Variants in TWIST2 observed in about 807,000 individuals in gnomAD.
The protein encoded by TWIST2 is twist-related protein 2.
A neutral mutation model predicts 11.6 loss-of-function variants in TWIST2; 1 was observed. The ratio of observed to expected loss-of-function variants is 0.09; its 90% CI spans 0.03 to 0.41. TWIST2 has a LOEUF of 0.41. Ranked by LOEUF, TWIST2 falls within the 10% of genes least tolerant of loss-of-function variation. TWIST2 has a pLI of 0.98. For missense variants in TWIST2, 168 were observed against 226.4 expected (o/e 0.74, Z 1.66); for synonymous variants, 87 against 96.6 (o/e 0.90, Z 0.58).
At position 238,903,499 on chromosome 2, in the gene TWIST2, ATG is replaced by A. The variant is rs1272836540; in HGVS notation, c.*36-6332_*36-6331del. On this transcript the variant is annotated intron_variant, in intron 1 of 1. Transcript: ENST00000612363. ...GTGTGCATGATGTGAGGTGTGTGTG[ATG>A]TGTGTGTGTGATGTGGGGTGTGTCT... Among the ~76,000 whole-genome samples the A allele has an allele frequency of 2.0e-3, 158 of 80,786 alleles. 1 individual carries two copies. Among genetic ancestry groups the A allele is most frequent in the Admixed American group, 2.9e-3 (21 of 7,242 alleles). 53.0% of individuals were successfully genotyped at this position (80,786 alleles called of 152,430 possible). A position where few individuals can be genotyped will look rare whatever the true frequency, so the allele number is the denominator to read the frequency against.
chr2:238,858,774 C>T (rs543827424), intron 1 of TWIST2, among the ~76,000 whole-genome samples: 1 of 152,326 alleles, frequency 6.6e-6, no homozygotes, highest in East Asian at 1.9e-4. Context: ...ACACTGAAAA[C>T]AGTTTTGTTC....
At chr2:238,905,380 G>A (rs1423696247) in intron 1 of TWIST2, among the ~76,000 whole-genome samples, 5 of 152,134 alleles carry the variant, frequency 3.3e-5, no homozygotes, top group African/African-American at 1.2e-4. Flanking sequence ...TGCAGGAGGC[G>A]CTCCCCAGCC....
chr2:238,852,485 CT>C (rs1692259537), intron 1 of TWIST2, among the ~76,000 whole-genome samples: 1 of 152,184 alleles, frequency 6.6e-6, no homozygotes, highest in Non-Finnish European at 1.5e-5. Flanking sequence ...GAATAAGTTA[CT>C]GTAGCCAAGG....
chr2:238,907,256 A>G (rs1210446588), intron 1 of TWIST2, among the ~76,000 whole-genome samples: 1 of 152,136 alleles, frequency 6.6e-6, no homozygotes, highest in Non-Finnish European at 1.5e-5. Flanking sequence ...GTGGCCCAAG[A>G]CCTTGGGCTT....
chr2:238,884,871 A>G (rs1693003533), intron 1 of TWIST2, among the ~76,000 whole-genome samples: 1 of 152,148 alleles, frequency 6.6e-6, no homozygotes, highest in African/African-American at 2.4e-5. Context: ...TGAGCTGCGC[A>G]CACCCAGTTG....
intron 1 of TWIST2, among the ~76,000 whole-genome samples, chr2:238,859,127 G>A (rs1361432384): frequency 6.6e-6 from 1 of 150,946 alleles, no homozygotes; most frequent in Non-Finnish European, 1.5e-5. Context: ...CAGGAGAATC[G>A]CTTGAACCTG....
Position 238,858,988 on chromosome 2 carries a change from G to A in TWIST2, c.*35+10255G>A, listed in dbSNP as rs375326303. On this transcript the variant is annotated intron_variant, in intron 1 of 1. Coordinates refer to ENST00000612363, the MANE Select transcript of TWIST2 (RefSeq NM_001271893.4). ...GCACTTTGGGAGGCTGAGGCGGGTG[G>A]ATCACCTGAGGTCAGGAGTTCAAGA... Among the ~76,000 whole-genome samples, 32 of 152,220 alleles carry A rather than the reference G, an allele frequency of 2.1e-4. 1 individual carries two copies. Among genetic ancestry groups the A allele is most frequent in the African/African-American group, 6.5e-4 (27 of 41,526 alleles).
chr2:238,861,494 C>A (rs547916572), intron 1 of TWIST2, among the ~76,000 whole-genome samples: 1 of 152,272 alleles, frequency 6.6e-6, no homozygotes, highest in East Asian at 1.9e-4. Context: ...TTCAGAGACA[C>A]CATCTGGATG....
At chr2:238,906,638 A>G (rs1693360035) in intron 1 of TWIST2, among the ~76,000 whole-genome samples, 1 of 151,996 alleles carries the variant, frequency 6.6e-6, no homozygotes, top group Non-Finnish European at 1.5e-5. Context: ...TCACTCTCAC[A>G]CTAGTGGGCA....
intron 1 of TWIST2, among the ~76,000 whole-genome samples, chr2:238,856,162 G>T (rs959844437): frequency 3.9e-5 from 6 of 152,180 alleles, no homozygotes; most frequent in African/African-American, 1.4e-4. Flanking sequence ...GTCCCGTCTT[G>T]TGTGACTGCG....
intron 1 of TWIST2, among the ~76,000 whole-genome samples, chr2:238,857,951 A>G (rs1692360655): frequency 6.6e-6 from 1 of 152,000 alleles, no homozygotes; most frequent in Admixed American, 6.6e-5. Flanking sequence ...CAAACAAACA[A>G]ACAACAAGCA....
intron 1 of TWIST2, 62 bp from the exon 2 acceptor site, chr2:238,909,780 C>G (rs1693422283): frequency 6.6e-6 from 1 of 152,264 alleles, no homozygotes; most frequent in African/African-American, 2.4e-5. Flanking sequence ...AGTCTCAGGA[C>G]GATCCTGCAG....
intron 1 of TWIST2, among the ~76,000 whole-genome samples, chr2:238,855,213 A>G (rs1692309648): frequency 1.3e-5 from 2 of 152,170 alleles, no homozygotes; most frequent in Non-Finnish European, 2.9e-5. Flanking sequence ...CTTGATACAT[A>G]ACAGAATAAG....
intron 1 of TWIST2, among the ~76,000 whole-genome samples, chr2:238,896,180 C>T (rs1693205117): frequency 6.6e-6 from 1 of 152,184 alleles, no homozygotes; most frequent in Admixed American, 6.5e-5. Context: ...GAAGACGGCT[C>T]CGCAGTCGCC....
chr2:238,872,758 T>C (rs1692730006), intron 1 of TWIST2, among the ~76,000 whole-genome samples: 1 of 152,188 alleles, frequency 6.6e-6, no homozygotes. Flanking sequence ...ACTGGACAGG[T>C]GACCAGTGTT....
Position 238,884,589 on chromosome 2 carries a change from G to A in TWIST2, c.*36-25253G>A, listed in dbSNP as rs191225301. 4.4e-3 allele frequency among the ~76,000 whole-genome samples: 673 copies of A among 152,346 alleles called. 8 individuals are homozygous for A. The highest frequency in any genetic ancestry group is 0.016 in the African/African-American group (656 of 41,578). On this transcript the variant is annotated intron_variant, in intron 1 of 1. Coordinates refer to ENST00000612363, the MANE Select transcript of TWIST2 (RefSeq NM_001271893.4). ...CCGCAGGCCACCGGACTGGGCTGGC[G>A]AGGTGAGAACGGCACCTTCACACCT...
chr2:238,848,129 A>G lies in TWIST2; in HGVS notation c.-87A>G. ...TCAGAGCCTTTCCAGCAACTCCGAG[A>G]GCGTGTGCTCGGCGACCGCGGGCTT... On this transcript the variant is annotated 5_prime_UTR_variant, in exon 1 of 2. Transcript: ENST00000612363. 5 of 1,069,024 alleles carry G rather than the reference A, an allele frequency of 4.7e-6. No homozygotes were observed. The highest frequency in any genetic ancestry group is 4.6e-6 in the Non-Finnish European group (4 of 865,276). The allele number at this position is 1,069,024 out of a possible 1,614,324, so 66.2% of individuals were successfully genotyped here. A position where few individuals can be genotyped will look rare whatever the true frequency, so the allele number is the denominator to read the frequency against.
intron 1 of TWIST2, among the ~76,000 whole-genome samples, chr2:238,898,880 T>G (rs1693237389): frequency 6.6e-6 from 1 of 152,346 alleles, no homozygotes; most frequent in African/African-American, 2.4e-5. Context: ...AGCTTTGTTA[T>G]TTGGAAGCCT....
chr2:238,873,241 C>T lies in TWIST2; in HGVS notation c.*35+24508C>T, dbSNP rs146255005. ...ACGTGCTGGGCTCCACATTAGAGAC[C>T]GGGATGTGGCGGGGAAGAAGTCAAG... is the stretch of plus-strand genomic sequence containing the variant. On this transcript the variant is annotated intron_variant, in intron 1 of 1. Coordinates refer to ENST00000612363, the MANE Select transcript of TWIST2 (RefSeq NM_001271893.4). 2.2e-3 allele frequency among the ~76,000 whole-genome samples: 328 copies of T among 152,128 alleles called. 2 individuals are homozygous for T. Among genetic ancestry groups the T allele is most frequent in the Middle Eastern group, 0.02 (6 of 294 alleles).
Sources: allele counts gnomAD v4.1 joint callset (sites outside exome capture counted in the v4.1 genomes callset), GRCh38; gene constraint gnomAD v4.1.1; transcripts MANE v1.5; gene names NCBI Gene and HGNC (gene_info 2026-07-23, HGNC 2026-07-21).